ARFGEF2: variants seen among roughly 807,000 people sequenced by gnomAD.
ARFGEF2 encodes the protein brefeldin A-inhibited guanine nucleotide-exchange protein 2.
Under a neutral mutation model 219.9 loss-of-function variants are expected in ARFGEF2, and 74 were observed. That is an observed-to-expected ratio of 0.34 (90% CI 0.28 to 0.41). The LOEUF (loss-of-function observed/expected upper bound fraction) is 0.41. ARFGEF2 is among the 10% of genes least tolerant of loss of function. ARFGEF2 has a pLI of 1.00. For missense variants in ARFGEF2, 1,743 were observed against 2,218.3 expected (o/e 0.79, Z 4.30); for synonymous variants, 733 against 799.2 (o/e 0.92, Z 1.40).
At chr20:48,944,760 C>A (rs2091015946) in intron 3 of ARFGEF2, among the ~76,000 whole-genome samples, 1 of 152,118 alleles carries the variant, frequency 6.6e-6, no homozygotes, top group Admixed American at 6.6e-5. Context: ...GCCACTGCAC[C>A]CAGTGGGTTT....
Position 48,999,702 on chromosome 20 carries a change from G to A in ARFGEF2, c.3432+1197G>A, listed in dbSNP as rs929866635. On this transcript the variant is annotated intron_variant, in intron 25 of 38. Transcript: ENST00000371917. ...GCAGAGCTTGCAGTGAGCTGAGATC[G>A]TGCCACTGCCCTCCAGCCTGGGCGA... 6.1e-5 allele frequency among the ~76,000 whole-genome samples: 9 copies of A among 148,098 alleles called. No individual in the cohort carries two copies. The East Asian group carries it at 8.0e-4, about 13-fold the overall frequency.
intron 1 of ARFGEF2, among the ~76,000 whole-genome samples, chr20:48,930,086 A>G (rs1371590215): frequency 6.6e-6 from 1 of 152,238 alleles, no homozygotes; most frequent in African/African-American, 2.4e-5. Context: ...CTGCTTTAAC[A>G]GAATGCTACT....
chr20:48,927,727 TAAC>T (rs906768841), intron 1 of ARFGEF2, among the ~76,000 whole-genome samples: 1 of 151,946 alleles, frequency 6.6e-6, no homozygotes, highest in Non-Finnish European at 1.5e-5. Flanking sequence ...TAAATTGACA[TAAC>T]AAGACTTTAA....
At chr20:49,009,193 T>C (rs2091481462) in intron 26 of ARFGEF2, among the ~76,000 whole-genome samples, 1 of 152,252 alleles carries the variant, frequency 6.6e-6, no homozygotes, top group Non-Finnish European at 1.5e-5. Flanking sequence ...TTATGTTGTG[T>C]AGTCAGTCCT....
At chr20:48,965,454 AT>A (rs1250303780) in intron 7 of ARFGEF2, among the ~76,000 whole-genome samples, 3 of 151,960 alleles carry the variant, frequency 2.0e-5, no homozygotes, top group African/African-American at 7.3e-5. Flanking sequence ...TCAGGTTTAC[AT>A]TTTTTCTCTG....
At chr20:49,014,052 C>A in intron 30 of ARFGEF2, 92 bp downstream of exon 30, 1 of 1,545,778 alleles carries the variant, frequency 6.5e-7, no homozygotes, top group South Asian at 1.1e-5. Context: ...CATCGTCTAC[C>A]CAGAGTTCTT....
intron 25 of ARFGEF2, among the ~76,000 whole-genome samples, chr20:49,001,944 T>G (rs547192157): frequency 6.6e-6 from 1 of 152,332 alleles, no homozygotes; most frequent in Non-Finnish European, 1.5e-5. Flanking sequence ...TTTAAGAAAT[T>G]GTAATAAAAT....
intron 3 of ARFGEF2, 118 bp from the exon 4 acceptor site, chr20:48,951,205 G>C: frequency 7.9e-7 from 1 of 1,261,080 alleles, no homozygotes; most frequent in Non-Finnish European, 1.1e-6. Context: ...CTGGCTCCTG[G>C]GGAGCAGAGG....
chr20:48,949,604 ACT>A (rs933737348), intron 3 of ARFGEF2, among the ~76,000 whole-genome samples: 7 of 151,604 alleles, frequency 4.6e-5, no homozygotes, highest in African/African-American at 1.5e-4. Context: ...TTGCATTTCT[ACT>A]CTCAGCCACT....
chr20:48,963,613 C>T (rs549590958), intron 6 of ARFGEF2, among the ~76,000 whole-genome samples: 1 of 152,286 alleles, frequency 6.6e-6, no homozygotes, highest in Non-Finnish European at 1.5e-5. Context: ...TTTTAGTGTT[C>T]CACAAAGGGA....
Position 48,969,162 on chromosome 20 carries a change from G to A in ARFGEF2, c.1075G>A (p.Gly359Arg), listed in dbSNP as rs776311839. 6.2e-7 allele frequency: 1 copy of A among 1,614,096 alleles called. No homozygotes were observed. Among genetic ancestry groups the A allele is most frequent in the South Asian group, 1.1e-5 (1 of 91,084 alleles). Residue 359 changes from glycine to arginine, a missense_variant, in exon 9 of 39, where the codon GGA (glycine) becomes AGA (arginine). Transcript: ENST00000371917. ...SADNLESDAQ[G>R]HQVAARFSHV... ...CTGATCCTAGGAATCGGATGCACAA[G>A]GACATCAAGTGGCTGCCAGGTTCTC...
At chr20:49,021,071 A>T (rs1445891396) in intron 34 of ARFGEF2, among the ~76,000 whole-genome samples, 2 of 152,166 alleles carry the variant, frequency 1.3e-5, no homozygotes, top group African/African-American at 2.4e-5. Flanking sequence ...AAAAAAATTT[A>T]AAACAATCTA....
Position 48,971,369 on chromosome 20 carries a change from G to C in ARFGEF2, c.1425+15G>C. On this transcript the variant is annotated intron_variant, in intron 10 of 38. Coordinates refer to ENST00000371917, the MANE Select transcript of ARFGEF2 (RefSeq NM_006420.3). ...TGCAGATAGAGGTACGGATTCCAAA[G>C]TTTTTTCATTTCATTATTTACTATT... The C allele has an allele frequency of 6.3e-7, 1 of 1,584,054 alleles. No homozygotes were observed.
At chr20:48,933,589 T>A (rs1343271749) in intron 1 of ARFGEF2, among the ~76,000 whole-genome samples, 1 of 152,116 alleles carries the variant, frequency 6.6e-6, no homozygotes, top group Non-Finnish European at 1.5e-5. Flanking sequence ...CATTGCTTGA[T>A]CCCACGGAGA....
At chr20:49,008,196 A>G (rs1371023473) in intron 26 of ARFGEF2, among the ~76,000 whole-genome samples, 1 of 152,010 alleles carries the variant, frequency 6.6e-6, no homozygotes, top group Non-Finnish European at 1.5e-5. Context: ...AAAACAAACT[A>G]TCTAAATAAA....
Position 48,921,745 on chromosome 20 carries a change from C to A in ARFGEF2, c.-145C>A. 2.4e-6 allele frequency: 2 copies of A among 842,664 alleles called. No individual in the cohort carries two copies. The highest frequency in any genetic ancestry group is 3.0e-6 in the Non-Finnish European group (2 of 663,470). The allele number at this position is 842,664 out of a possible 1,614,324, so 52.2% of individuals were successfully genotyped here. On this transcript the variant is annotated 5_prime_UTR_variant, in exon 1 of 39. Transcript: ENST00000371917. ...CGTGACGCGCTCCAACATGGCGGCGCCGTGGGGCCGAGGTGTCGCTTCCTG... is the reference window on the plus strand; with the variant it reads ...CGTGACGCGCTCCAACATGGCGGCGACGTGGGGCCGAGGTGTCGCTTCCTG...
chr20:48,971,382 A>G (rs1568713438), intron 10 of ARFGEF2, 28 bp downstream of exon 10: 1 of 1,444,114 alleles, frequency 6.9e-7, no homozygotes, highest in East Asian at 2.4e-5. Flanking sequence ...TTTTCATTTC[A>G]TTATTTACTA....
At chr20:48,984,120 A>G (rs575547690) in intron 14 of ARFGEF2, among the ~76,000 whole-genome samples, 26 of 152,258 alleles carry the variant, frequency 1.7e-4, no homozygotes, top group African/African-American at 6.0e-4. Context: ...TCTCAAGGAA[A>G]TCCAAAAGTG....
At chr20:48,966,392 A>T (rs1440510254) in intron 8 of ARFGEF2, among the ~76,000 whole-genome samples, 1 of 152,214 alleles carries the variant, frequency 6.6e-6, no homozygotes, top group Non-Finnish European at 1.5e-5. Flanking sequence ...TCCATAACCC[A>T]TAGATTGCCC....
Sources: allele counts gnomAD v4.1 joint callset (sites outside exome capture counted in the v4.1 genomes callset), GRCh38; gene constraint gnomAD v4.1.1; transcripts MANE v1.5; gene names NCBI Gene and HGNC (gene_info 2026-07-23, HGNC 2026-07-21).